PCBP3: variants seen among roughly 807,000 people sequenced by gnomAD.
The protein encoded by PCBP3 is poly(rC) binding protein 3, also known as poly(rC)-binding protein 3.
In PCBP3, 25 loss-of-function variants were observed where a neutral mutation model predicts 52.7. The ratio of observed to expected loss-of-function variants is 0.47; its 90% CI spans 0.35 to 0.66. The LOEUF is 0.66. Ranked by LOEUF, PCBP3 falls within the 30% of genes least tolerant of loss-of-function variation. PCBP3 has a pLI of 0.01. For synonymous variants in PCBP3, 162 were observed against 183.0 expected, an observed-to-expected ratio of 0.89 and a Z score of 0.93; for missense variants, 391 against 490.3, an observed-to-expected ratio of 0.80 and a Z score of 1.91.
chr21:45,935,963 C>G (rs542742833), intron 16 of PCBP3, among the ~76,000 whole-genome samples: 2 of 152,200 alleles, frequency 1.3e-5, no homozygotes, highest in East Asian at 3.8e-4. Flanking sequence ...GCCACATGTC[C>G]TTAAGGGATA....
At chr21:45,828,784 G>A in intron 4 of PCBP3, 1 of 152,784 alleles carries the variant, frequency 6.5e-6, no homozygotes, top group Non-Finnish European at 1.5e-5. Context: ...CCTGGAGGCA[G>A]AGTGGCCTCT....
At chr21:45,738,862 T>G (rs1348251689) in intron 3 of PCBP3, among the ~76,000 whole-genome samples, 1 of 133,476 alleles carries the variant, frequency 7.5e-6, no homozygotes, top group Non-Finnish European at 1.6e-5. Context: ...CACGGTCCTC[T>G]GGGTAGCCCC....
At chr21:45,677,970 A>C (rs909013126) in intron 2 of PCBP3, among the ~76,000 whole-genome samples, 7 of 152,254 alleles carry the variant, frequency 4.6e-5, no homozygotes, top group Non-Finnish European at 1.0e-4. Context: ...TGCTGTTTTC[A>C]TGCCCATTAA....
chr21:45,646,076 TCTCTCTTTC>T, intron 1 of PCBP3, among the ~76,000 whole-genome samples: 3 of 113,278 alleles, frequency 2.6e-5, no homozygotes, highest in African/African-American at 7.2e-5. Context: ...TCTCTCTCTC[TCTCTCTTTC>T]TCTCTCTCTC....
intron 5 of PCBP3, among the ~76,000 whole-genome samples, chr21:45,867,916 C>G (rs1303854291): frequency 1.3e-5 from 2 of 152,254 alleles, no homozygotes; most frequent in African/African-American, 4.8e-5. Flanking sequence ...CGCCGTCGCA[C>G]ACACAGCGGG....
intron 4 of PCBP3, among the ~76,000 whole-genome samples, chr21:45,778,729 T>A (rs1191784449): frequency 6.6e-6 from 1 of 152,142 alleles, no homozygotes; most frequent in African/African-American, 2.4e-5. Context: ...GGCTACATGC[T>A]CTGTCTTGGA....
intron 3 of PCBP3, among the ~76,000 whole-genome samples, chr21:45,746,991 G>GC (rs71240739): frequency 0.099 from 12,064 of 121,588 alleles, 1,840 homozygotes; most frequent in Non-Finnish European, 0.15. Flanking sequence ...TTGACGTAGC[G>GC]CACACGGTGT....
chr21:45,749,704 C>T (rs2087239496), intron 3 of PCBP3: 1 of 152,270 alleles, frequency 6.6e-6, no homozygotes, highest in South Asian at 2.1e-4. Flanking sequence ...ACATTGGTCC[C>T]TGAGGAGTCA....
intron 4 of PCBP3, among the ~76,000 whole-genome samples, chr21:45,840,236 A>G (rs909943460): frequency 3.3e-5 from 5 of 151,646 alleles, no homozygotes; most frequent in African/African-American, 9.7e-5. Context: ...GCAGATCACA[A>G]GGTCAGGAGA....
intron 1 of PCBP3, among the ~76,000 whole-genome samples, chr21:45,648,301 A>C (rs1196366082): frequency 1.3e-5 from 2 of 152,234 alleles, no homozygotes; most frequent in African/African-American, 4.8e-5. Flanking sequence ...GGAGGGAATA[A>C]CATGATTAGA....
chr21:45,765,939 T>C (rs945336244), intron 4 of PCBP3, among the ~76,000 whole-genome samples: 2 of 152,222 alleles, frequency 1.3e-5, no homozygotes, highest in African/African-American at 2.4e-5. Flanking sequence ...TTCAGAAGTC[T>C]CCTGGAGCCT....
At chr21:45,792,157 G>A (rs2091637614) in intron 4 of PCBP3, among the ~76,000 whole-genome samples, 1 of 152,398 alleles carries the variant, frequency 6.6e-6, no homozygotes, top group Middle Eastern at 3.4e-3. Flanking sequence ...ACTGTGTTGA[G>A]ATTAATCTTA....
chr21:45,654,883 C>A (rs752484489), intron 1 of PCBP3, among the ~76,000 whole-genome samples: 3 of 152,142 alleles, frequency 2.0e-5, no homozygotes, highest in Non-Finnish European at 4.4e-5. Flanking sequence ...TTCTTCCTCC[C>A]CAAAGGCCCT....
At chr21:45,903,384 C>G (rs898208477) in intron 9 of PCBP3, among the ~76,000 whole-genome samples, 1 of 152,054 alleles carries the variant, frequency 6.6e-6, no homozygotes, top group Non-Finnish European at 1.5e-5. Flanking sequence ...GGGACGCTAG[C>G]AAAGTCACAG....
intron 5 of PCBP3, among the ~76,000 whole-genome samples, chr21:45,887,982 T>C (rs1237253069): frequency 6.6e-6 from 1 of 152,232 alleles, no homozygotes; most frequent in Non-Finnish European, 1.5e-5. Context: ...AGCTCTGTCC[T>C]CCGGGGATGG....
rs150641432 is a variant in PCBP3 at position 45,917,782 on chromosome 21, C to T, written c.717+153C>T. 25 of 720,034 alleles carry T rather than the reference C, an allele frequency of 3.5e-5. No homozygotes were observed. Among genetic ancestry groups the T allele is most frequent in the Non-Finnish European group, 3.8e-5 (15 of 398,334 alleles). 44.6% of individuals were successfully genotyped at this position (720,034 alleles called of 1,614,324 possible). A position where few individuals can be genotyped will look rare whatever the true frequency, so the allele number is the denominator to read the frequency against. ...GACCTGTGTCGTATCCATATGACCT[C>T]GAATAACCTTTTAACCTCTTAGCAC... is the stretch of plus-strand genomic sequence containing the variant. On this transcript the variant is annotated intron_variant, in intron 13 of 17. Transcript: ENST00000681687. This position sits in a 1 kb window ranked among gnomAD's most constrained non-coding sequence, Gnocchi z 5.3.
intron 4 of PCBP3, chr21:45,836,250 C>T: frequency 6.5e-6 from 1 of 152,678 alleles, no homozygotes; most frequent in Non-Finnish European, 1.5e-5. Flanking sequence ...CCCAATTCTG[C>T]CTCCAAAGTG....
rs2093427836 is a variant in PCBP3, at chr21:45,830,787, G to A, written c.-125-19174G>A. ...TCAATGGTTTGGGAATTGGGTATAC[G>A]AACATTTATAAGCCAGTATTATGAT... On this transcript the variant is annotated intron_variant, in intron 4 of 17. Coordinates refer to ENST00000681687, the MANE Select transcript of PCBP3 (RefSeq NM_001384156.1). The surrounding 1 kb of genome is among the most constrained non-coding windows in gnomAD (Gnocchi z 4.4). 6.6e-6 allele frequency: 1 copy of A among 152,246 alleles called. No individual in the cohort carries two copies. Among genetic ancestry groups the A allele is most frequent in the African/African-American group, 2.4e-5 (1 of 41,446 alleles). The allele number at this position is 152,246 out of a possible 1,614,324, so 9.4% of individuals were successfully genotyped here.
chr21:45,779,081 A>T (rs2090456755), intron 4 of PCBP3, among the ~76,000 whole-genome samples: 1 of 152,232 alleles, frequency 6.6e-6, no homozygotes, highest in Admixed American at 6.5e-5. Flanking sequence ...CCCCAGTCCC[A>T]GCAGCGACAG....
Sources: gnomAD v4.1 joint callset for allele counts (sites outside exome capture counted in the v4.1 genomes callset) on GRCh38, gnomAD v4.1.1 for gene constraint, Gnocchi (gnomAD v3.1) non-coding constraint, MANE v1.5 for transcripts, NCBI Gene and HGNC (gene_info 2026-07-23, HGNC 2026-07-21) for gene names.